PTPN9: variants seen among roughly 807,000 people sequenced by gnomAD.
PTPN9 encodes the protein protein tyrosine phosphatase non-receptor type 9.
PTPN9 carries 26 observed loss-of-function variants against 69.8 expected under a neutral mutation model. The ratio of observed to expected loss-of-function variants is 0.37; its 90% CI spans 0.27 to 0.52. The LOEUF is 0.52. PTPN9 is among the 20% of genes least tolerant of loss of function. PTPN9 has a pLI of 0.91. For missense variants in PTPN9, 549 were observed against 740.3 expected (o/e 0.74, Z 3.00); for synonymous variants, 274 against 272.5 (o/e 1.01, Z -0.05).
intron 6 of PTPN9, among the ~76,000 whole-genome samples, chr15:75,507,446 CAAAAAAAAAA>C (rs762520293): frequency 1.1e-5 from 1 of 89,186 alleles, no homozygotes; most frequent in African/African-American, 4.1e-5. Flanking sequence ...AACTCTGTCG[CAAAAAAAAAA>C]AAAAAAAAAG....
intron 1 of PTPN9, among the ~76,000 whole-genome samples, chr15:75,530,199 C>CA (rs1171614508): frequency 0.028 from 771 of 27,186 alleles, 17 homozygotes; most frequent in East Asian, 0.19. Context: ...GACTCCATCT[C>CA]AAAAAAAAAA....
chr15:75,544,748 TG>T (rs1555456651), intron 1 of PTPN9, among the ~76,000 whole-genome samples: 1 of 151,686 alleles, frequency 6.6e-6, no homozygotes, highest in East Asian at 1.9e-4. Context: ...AAAGTCTTTC[TG>T]GGGGAAAAAA....
intron 8 of PTPN9, among the ~76,000 whole-genome samples, chr15:75,483,574 G>C (rs186717484): frequency 2.3e-3 from 349 of 152,284 alleles, no homozygotes; most frequent in South Asian, 4.1e-3. Context: ...GACTGCCAAG[G>C]GTGTGAGGTT....
At chr15:75,571,920 A>T (rs964576936) in intron 1 of PTPN9, among the ~76,000 whole-genome samples, 1 of 152,064 alleles carries the variant, frequency 6.6e-6, no homozygotes. Context: ...TAACAGAAAC[A>T]TAAGTACTTT....
At chr15:75,518,660 A>C in intron 4 of PTPN9, among the ~76,000 whole-genome samples, 1 of 151,902 alleles carries the variant, frequency 6.6e-6, no homozygotes, top group Non-Finnish European at 1.5e-5. Context: ...TCTACTAAAA[A>C]TACAAAATTA....
chr15:75,509,122 A>G, intron 5 of PTPN9, 95 bp from the exon 6 acceptor site: 1 of 957,492 alleles, frequency 1.0e-6, no homozygotes, highest in East Asian at 2.5e-5. Flanking sequence ...ATTCTTACCC[A>G]GCAGGGGGAG....
intron 1 of PTPN9, among the ~76,000 whole-genome samples, chr15:75,554,079 C>A (rs1411694422): frequency 6.8e-6 from 1 of 146,678 alleles, no homozygotes; most frequent in African/African-American, 2.5e-5. Flanking sequence ...ATTGCAGTGG[C>A]ACAATCATGG....
At chr15:75,497,476 C>T (rs576475968) in intron 7 of PTPN9, among the ~76,000 whole-genome samples, 1 of 152,168 alleles carries the variant, frequency 6.6e-6, no homozygotes, top group South Asian at 2.1e-4. Flanking sequence ...CCAACCTATG[C>T]GACAGAGCAA....
At chr15:75,521,289 C>CA (rs75296706) in intron 4 of PTPN9, among the ~76,000 whole-genome samples, 1,179 of 91,318 alleles carry the variant, frequency 0.013, 9 homozygotes, top group East Asian at 0.047. Flanking sequence ...ACTAAAAATA[C>CA]AAAAAAAAAA....
intron 1 of PTPN9, among the ~76,000 whole-genome samples, chr15:75,535,158 G>T (rs2074977818): frequency 1.3e-5 from 2 of 151,740 alleles, no homozygotes; most frequent in African/African-American, 4.8e-5. Flanking sequence ...CACCATGCCT[G>T]GCTATTTTTT....
chr15:75,538,517 C>A (rs2074994891), intron 1 of PTPN9, among the ~76,000 whole-genome samples: 2 of 152,018 alleles, frequency 1.3e-5, no homozygotes, highest in African/African-American at 4.8e-5. Context: ...AGGAACATGA[C>A]AAAACCCCGT....
At position 75,512,119 on chromosome 15, in the gene PTPN9, A is replaced by G. The variant is rs1399277019; in HGVS notation, c.529-3092T>C. On this transcript the variant is annotated intron_variant, in intron 5 of 12. Coordinates refer to ENST00000618819, the MANE Select transcript of PTPN9 (RefSeq NM_002833.4). ...CTTGGCCTTTCAAAGTGCTGGGATT[A>G]CAGGCATGAGCCACTGTACCCGGCC... 3.9e-5 allele frequency among the ~76,000 whole-genome samples: 6 copies of G among 152,164 alleles called. No individual in the cohort carries two copies. In the South Asian group the frequency reaches 1.2e-3, roughly 31 times the overall value.
At chr15:75,557,771 G>C (rs2075083893) in intron 1 of PTPN9, among the ~76,000 whole-genome samples, 1 of 152,194 alleles carries the variant, frequency 6.6e-6, no homozygotes, top group East Asian at 1.9e-4. Context: ...GACAACATGA[G>C]AGGTTCTGAC....
At chr15:75,481,770 G>A (rs1212711729) in intron 8 of PTPN9, among the ~76,000 whole-genome samples, 17 of 97,490 alleles carry the variant, frequency 1.7e-4, no homozygotes, top group African/African-American at 2.4e-4. Context: ...CTGCCCGGCC[G>A]CCCCTACTGG....
Position 75,467,000 on chromosome 15 carries a change from C to G in PTPN9, c.*1769G>C, listed in dbSNP as rs2141666909. On this transcript the variant is annotated 3_prime_UTR_variant, in exon 13 of 13. Transcript: ENST00000618819. Reference sequence around the variant, plus strand: ...TACAGACAAGGTGAACTCATAGTGTCAGAACTCAAAGTCTCAGATACTGAA... The same window carrying G: ...TACAGACAAGGTGAACTCATAGTGTGAGAACTCAAAGTCTCAGATACTGAA... The G allele has an allele frequency of 6.6e-6, 1 of 152,378 alleles. No individual in the cohort carries two copies. The highest frequency in any genetic ancestry group is 2.4e-5 in the African/African-American group (1 of 41,572). The allele number at this position is 152,378 out of a possible 1,614,324, so 9.4% of individuals were successfully genotyped here. A position where few individuals can be genotyped will look rare whatever the true frequency, so the allele number is the denominator to read the frequency against.
At chr15:75,546,959 C>G (rs1179331960) in intron 1 of PTPN9, among the ~76,000 whole-genome samples, 1 of 151,920 alleles carries the variant, frequency 6.6e-6, no homozygotes, top group African/African-American at 2.4e-5. Flanking sequence ...CATTAAAGAC[C>G]CAGTTCTGCC....
At chr15:75,568,413 TAGG>T (rs1230924802) in intron 1 of PTPN9, among the ~76,000 whole-genome samples, 1 of 148,850 alleles carries the variant, frequency 6.7e-6, no homozygotes, top group Admixed American at 6.8e-5. Context: ...GAGGCTGAGG[TAGG>T]AGGATTCCTT....
chr15:75,523,645 C>T (rs1386948677), intron 3 of PTPN9, among the ~76,000 whole-genome samples: 4 of 152,132 alleles, frequency 2.6e-5, no homozygotes. Flanking sequence ...ACTTGAAAGG[C>T]TGAGGTCTCA....
chr15:75,544,667 T>A (rs1041712683), intron 1 of PTPN9, among the ~76,000 whole-genome samples: 1 of 152,172 alleles, frequency 6.6e-6, no homozygotes, highest in Non-Finnish European at 1.5e-5. Context: ...CACAAGAACC[T>A]GTAGACAGCT....
Sources: allele counts gnomAD v4.1 joint callset (sites outside exome capture counted in the v4.1 genomes callset), GRCh38; gene constraint gnomAD v4.1.1; transcripts MANE v1.5; gene names NCBI Gene and HGNC (gene_info 2026-07-23, HGNC 2026-07-21).